The following RARB variants were observed in gnomAD, a reference collection of about 807,000 sequenced individuals.
RARB encodes retinoic acid receptor beta.
Under a neutral mutation model 51.9 loss-of-function variants are expected in RARB, and 17 were observed. The observed-to-expected ratio is 0.33, with a 90% CI of 0.22 to 0.49. The LOEUF is 0.49. RARB is among the 20% of genes least tolerant of loss of function. RARB has a pLI of 0.99. For missense variants in RARB, 369 were observed against 550.8 expected, an observed-to-expected ratio of 0.67 and a Z score of 3.30; for synonymous variants, 215 against 195.4, an observed-to-expected ratio of 1.10 and a Z score of -0.84.
At chr3:24,938,671 A>G (rs1695594848) in intron 2 of RARB, among the ~76,000 whole-genome samples, 1 of 152,204 alleles carries the variant, frequency 6.6e-6, no homozygotes, top group Admixed American at 6.5e-5. Context: ...GTCCATTTAT[A>G]AAACTTTTCT....
chr3:25,039,991 A>AT (rs1698080047), intron 2 of RARB, among the ~76,000 whole-genome samples: 1 of 152,190 alleles, frequency 6.6e-6, no homozygotes, highest in African/African-American at 2.4e-5. Context: ...CAAAAGAGAG[A>AT]TGTTAGCTGG....
chr3:25,259,913 C>T (rs1161676617), intron 5 of RARB: 6 of 985,186 alleles, frequency 6.1e-6, no homozygotes, highest in African/African-American at 3.5e-5. Flanking sequence ...GGTTTTCTTT[C>T]TCAGGCTTTG....
At chr3:25,229,506 C>T (rs1702128308) in intron 5 of RARB, among the ~76,000 whole-genome samples, 1 of 152,118 alleles carries the variant, frequency 6.6e-6, no homozygotes. Flanking sequence ...TGATATTTAT[C>T]TACTTTAATA....
intron 5 of RARB, among the ~76,000 whole-genome samples, chr3:25,360,166 G>GGGTGCATATA (rs1487429078): frequency 6.6e-6 from 1 of 152,110 alleles, no homozygotes; most frequent in Non-Finnish European, 1.5e-5. Context: ...CTCCTGTATT[G>GGGTGCATATA]GGTGCATATA....
intron 1 of RARB, among the ~76,000 whole-genome samples, chr3:24,855,676 C>G (rs866415718): frequency 6.0e-5 from 9 of 150,950 alleles, no homozygotes; most frequent in Non-Finnish European, 1.2e-4. Context: ...AAAATTTGAA[C>G]AGAAAAATCA....
At chr3:24,930,365 G>A (rs1695413014) in intron 2 of RARB, among the ~76,000 whole-genome samples, 1 of 151,992 alleles carries the variant, frequency 6.6e-6, no homozygotes, top group African/African-American at 2.4e-5. Flanking sequence ...TGTGAGTGCT[G>A]CTAGAACTGC....
At chr3:25,029,780 A>G (rs950377819) in intron 2 of RARB, among the ~76,000 whole-genome samples, 5 of 152,214 alleles carry the variant, frequency 3.3e-5, no homozygotes, top group Non-Finnish European at 7.3e-5. Flanking sequence ...GGAATGGGCA[A>G]TGAGGGTCAC....
At chr3:25,032,596 G>T (rs1433610612) in intron 2 of RARB, among the ~76,000 whole-genome samples, 2 of 152,186 alleles carry the variant, frequency 1.3e-5, no homozygotes, top group Admixed American at 6.5e-5. Context: ...TCTCCTATCA[G>T]ATTGGCTGAG....
At chr3:25,235,727 C>T (rs564960217) in intron 5 of RARB, among the ~76,000 whole-genome samples, 1 of 152,272 alleles carries the variant, frequency 6.6e-6, no homozygotes, top group Non-Finnish European at 1.5e-5. Flanking sequence ...CGTGCGAGCA[C>T]ACATACACAA....
At chr3:24,919,737 C>A (rs1290516182) in intron 2 of RARB, among the ~76,000 whole-genome samples, 1 of 152,140 alleles carries the variant, frequency 6.6e-6, no homozygotes, top group Non-Finnish European at 1.5e-5. Flanking sequence ...TCTTCTAATT[C>A]CTTATCTGAC....
At chr3:25,091,655 T>C (rs1699202059) in intron 3 of RARB, among the ~76,000 whole-genome samples, 1 of 152,178 alleles carries the variant, frequency 6.6e-6, no homozygotes, top group Admixed American at 6.6e-5. Flanking sequence ...GGAATATTTG[T>C]GGAGTGGGCA....
intron 2 of RARB, among the ~76,000 whole-genome samples, chr3:24,912,134 A>G (rs1695001134): frequency 6.6e-6 from 1 of 152,152 alleles, no homozygotes; most frequent in South Asian, 2.1e-4. Flanking sequence ...ATTCCTGCAG[A>G]TAGCAGGAGA....
chr3:25,122,059 G>T (rs560072748), intron 3 of RARB, among the ~76,000 whole-genome samples: 1 of 152,140 alleles, frequency 6.6e-6, no homozygotes, highest in Non-Finnish European at 1.5e-5. Flanking sequence ...CAATGTATCA[G>T]TTAGGATAAT....
intron 3 of RARB, among the ~76,000 whole-genome samples, chr3:25,065,497 T>A (rs1207385664): frequency 6.6e-6 from 1 of 152,226 alleles, no homozygotes; most frequent in Non-Finnish European, 1.5e-5. Flanking sequence ...ATTCAAGCAC[T>A]GTAAAAGTAT....
At chr3:24,895,862 C>T (rs73135570) in intron 2 of RARB, among the ~76,000 whole-genome samples, 2,518 of 152,238 alleles carry the variant, frequency 0.017, 56 homozygotes, top group African/African-American at 0.056. Flanking sequence ...CACAACCAGG[C>T]ATATACTCCC....
At chr3:25,365,465 G>A (rs1235495883) in intron 5 of RARB, among the ~76,000 whole-genome samples, 1 of 151,968 alleles carries the variant, frequency 6.6e-6, no homozygotes, top group Non-Finnish European at 1.5e-5. Context: ...CTATGTTCCA[G>A]TTACAATTGT....
intron 1 of RARB, among the ~76,000 whole-genome samples, chr3:24,854,249 G>A (rs1446323860): frequency 6.6e-6 from 1 of 152,094 alleles, no homozygotes; most frequent in African/African-American, 2.4e-5. Flanking sequence ...TGAGCTGAGG[G>A]GTCAACAGGA....
At chr3:24,968,070 G>A (rs566372530) in intron 2 of RARB, among the ~76,000 whole-genome samples, 4 of 152,152 alleles carry the variant, frequency 2.6e-5, no homozygotes, top group South Asian at 4.1e-4. Flanking sequence ...TTTTCCTAGC[G>A]CATCCAAAGG....
intron 2 of RARB, among the ~76,000 whole-genome samples, chr3:25,461,798 G>T (rs1416948101): frequency 6.6e-6 from 1 of 152,156 alleles, no homozygotes; most frequent in African/African-American, 2.4e-5. Flanking sequence ...AGGAGGCTGA[G>T]ACACGAGAAT....
Sources: allele counts gnomAD v4.1 joint callset (sites outside exome capture counted in the v4.1 genomes callset), GRCh38; gene constraint gnomAD v4.1.1; transcripts MANE v1.5; gene names NCBI Gene and HGNC (gene_info 2026-07-23, HGNC 2026-07-21).